The following NUBPL variants were observed in gnomAD, a reference collection of about 807,000 sequenced individuals.
The protein encoded by NUBPL is NUBP iron-sulfur cluster assembly factor, mitochondrial, also known as iron-sulfur cluster transfer protein NUBPL.
In NUBPL, 31 loss-of-function variants were observed where a neutral mutation model predicts 45.7. The observed-to-expected ratio is 0.68, with a 90% CI of 0.51 to 0.92. The LOEUF (loss-of-function observed/expected upper bound fraction) is 0.92. Among genes scored for constraint, NUBPL ranks in the 40% least tolerant of loss-of-function variants. The pLI, the probability that NUBPL is intolerant of heterozygous loss-of-function variation, is 0.00. For synonymous variants in NUBPL, 144 were observed against 140.9 expected, an observed-to-expected ratio of 1.02 and a Z score of -0.15; for missense variants, 401 against 398.7, an observed-to-expected ratio of 1.01 and a Z score of -0.05.
chr14:31,710,830 G>A (rs190061056), intron 6 of NUBPL, among the ~76,000 whole-genome samples: 1 of 152,316 alleles, frequency 6.6e-6, no homozygotes, highest in East Asian at 1.9e-4. Context: ...GCTTGTCTGA[G>A]GAGGGATCCT....
intron 6 of NUBPL, among the ~76,000 whole-genome samples, chr14:31,762,641 G>C (rs888986273): frequency 6.6e-6 from 1 of 152,142 alleles, no homozygotes; most frequent in Non-Finnish European, 1.5e-5. Flanking sequence ...ACAGAACTTT[G>C]TTGCCATAAT....
At chr14:31,689,071 A>G (rs1484641075) in intron 6 of NUBPL, among the ~76,000 whole-genome samples, 1 of 151,574 alleles carries the variant, frequency 6.6e-6, no homozygotes, top group Non-Finnish European at 1.5e-5. Context: ...TCTACCATTG[A>G]TAGGCATTTA....
chr14:31,644,190 G>A (rs551466813), intron 4 of NUBPL, among the ~76,000 whole-genome samples: 50 of 151,722 alleles, frequency 3.3e-4, no homozygotes, highest in African/African-American at 1.2e-3. Flanking sequence ...TTAATTTTGG[G>A]TTGGCTTATT....
chr14:31,572,990 G>T (rs1283732715), intron 3 of NUBPL, among the ~76,000 whole-genome samples: 1 of 152,170 alleles, frequency 6.6e-6, no homozygotes, highest in Non-Finnish European at 1.5e-5. Context: ...CCTGCATAGG[G>T]CACTTACCAT....
chr14:31,616,642 G>A (rs549295045), intron 4 of NUBPL, among the ~76,000 whole-genome samples: 2 of 152,156 alleles, frequency 1.3e-5, no homozygotes, highest in African/African-American at 4.8e-5. Context: ...TATCTGTTTT[G>A]GTAGCAGTAC....
chr14:31,675,640 A>C (rs1047152720), intron 6 of NUBPL, among the ~76,000 whole-genome samples: 7 of 152,382 alleles, frequency 4.6e-5, no homozygotes, highest in African/African-American at 1.4e-4. Context: ...CCAGTGATCC[A>C]GAACATCCTC....
At chr14:31,645,073 T>G (rs2035807259) in intron 4 of NUBPL, among the ~76,000 whole-genome samples, 2 of 150,440 alleles carry the variant, frequency 1.3e-5, no homozygotes, top group Non-Finnish European at 3.0e-5. Flanking sequence ...TCTTTTCTTT[T>G]TTTTTTTTTT....
At chr14:31,647,071 C>A (rs1055912147) in intron 4 of NUBPL, among the ~76,000 whole-genome samples, 5 of 152,066 alleles carry the variant, frequency 3.3e-5, no homozygotes, top group Non-Finnish European at 5.9e-5. Context: ...ATATTTCAGT[C>A]TCTTTGTTAA....
chr14:31,705,854 G>A (rs375033274), intron 6 of NUBPL, among the ~76,000 whole-genome samples: 3 of 152,258 alleles, frequency 2.0e-5, no homozygotes, highest in East Asian at 1.9e-4. Flanking sequence ...CACATCCCCC[G>A]ATCAAGCCCA....
At chr14:31,717,686 G>A (rs1361940868) in intron 6 of NUBPL, among the ~76,000 whole-genome samples, 1 of 152,072 alleles carries the variant, frequency 6.6e-6, no homozygotes, top group African/African-American at 2.4e-5. Flanking sequence ...ACAACCCCAA[G>A]CCTGTTCCTT....
At chr14:31,728,781 T>C (rs891609638) in intron 6 of NUBPL, among the ~76,000 whole-genome samples, 3 of 152,220 alleles carry the variant, frequency 2.0e-5, no homozygotes, top group Admixed American at 6.5e-5. Context: ...GCTGTTACTG[T>C]AGTAGGTGAT....
At chr14:31,778,882 C>G (rs1483839727) in intron 6 of NUBPL, among the ~76,000 whole-genome samples, 1 of 152,142 alleles carries the variant, frequency 6.6e-6, no homozygotes, top group Non-Finnish European at 1.5e-5. Flanking sequence ...TGAAGGCATA[C>G]CTGACATCTT....
intron 6 of NUBPL, among the ~76,000 whole-genome samples, chr14:31,769,528 A>T (rs2038970246): frequency 6.6e-6 from 1 of 152,180 alleles, no homozygotes; most frequent in South Asian, 2.1e-4. Context: ...GTATAAATTT[A>T]AATGAGGTTT....
chr14:31,837,194 A>T (rs562821538), intron 8 of NUBPL, among the ~76,000 whole-genome samples: 1 of 152,136 alleles, frequency 6.6e-6, no homozygotes, highest in Non-Finnish European at 1.5e-5. Flanking sequence ...GCTGGCATGC[A>T]TCTGTAGTCT....
At chr14:31,790,066 A>G (rs1409411660) in intron 7 of NUBPL, among the ~76,000 whole-genome samples, 1 of 152,200 alleles carries the variant, frequency 6.6e-6, no homozygotes, top group African/African-American at 2.4e-5. Context: ...CATTATTCAT[A>G]TAGATAATAC....
intron 8 of NUBPL, among the ~76,000 whole-genome samples, chr14:31,831,468 T>TA (rs1555342391): frequency 7.0e-6 from 1 of 143,060 alleles, no homozygotes; most frequent in Non-Finnish European, 1.5e-5. Flanking sequence ...TATACTGTAC[T>TA]ATACCATACC....
At chr14:31,724,841 A>G (rs2037885580) in intron 6 of NUBPL, among the ~76,000 whole-genome samples, 1 of 152,186 alleles carries the variant, frequency 6.6e-6, no homozygotes, top group South Asian at 2.1e-4. Flanking sequence ...TTGGAAAAAA[A>G]GGCAAGATAA....
At chr14:31,624,293 T>G (rs957404074) in intron 4 of NUBPL, among the ~76,000 whole-genome samples, 2 of 152,048 alleles carry the variant, frequency 1.3e-5, no homozygotes, top group African/African-American at 4.8e-5. Context: ...ATAGAGCAGA[T>G]AGGAAAAAGG....
Position 31,850,169 on chromosome 14 carries a change from C to T in NUBPL, c.865C>T (p.Pro289Ser). 6.2e-7 allele frequency: 1 copy of T among 1,613,832 alleles called. No individual in the cohort carries two copies. The highest frequency in any genetic ancestry group is 8.5e-7 in the Non-Finnish European group (1 of 1,179,844). Residue 289 changes from proline (P) to serine (S), a missense_variant, in exon 10 of 11, where the codon CCA (proline) becomes TCA (serine). Transcript: ENST00000281081. The stretch of plus-strand genomic sequence containing the variant: ...AAGGGAAGCTTCAGATACAGGCCAG[C>T]CAATTGTGTTTTCACAGCCTGAAAG... ...NIREASDTGQ[P>S]IVFSQPESDE...
Sources: allele counts gnomAD v4.1 joint callset (sites outside exome capture counted in the v4.1 genomes callset), GRCh38; gene constraint gnomAD v4.1.1; transcripts MANE v1.5; gene names NCBI Gene and HGNC (gene_info 2026-07-23, HGNC 2026-07-21).